The following CUX1 variants were observed in gnomAD, a reference collection of about 807,000 sequenced individuals.
CUX1 encodes protein CASP.
In CUX1, 31 loss-of-function variants were observed where a neutral mutation model predicts 158.8. The observed-to-expected ratio is 0.20, with a 90% confidence interval of 0.15 to 0.26. The LOEUF (loss-of-function observed/expected upper bound fraction) is 0.26, where lower values mean the gene tolerates loss of function less well. Ranked by LOEUF, CUX1 falls within the 10% of genes least tolerant of loss-of-function variation. The pLI, the probability that CUX1 is intolerant of heterozygous loss-of-function variation, is 1.00. For synonymous variants in CUX1, 879 were observed against 862.1 expected (o/e 1.02, Z -0.34); for missense variants, 1,589 against 2,014.6 (o/e 0.79, Z 4.04).
chr7:102,142,600 G>A (rs1159817209), intron 8 of CUX1, among the ~76,000 whole-genome samples: 1 of 151,850 alleles, frequency 6.6e-6, no homozygotes, highest in Non-Finnish European at 1.5e-5. Flanking sequence ...ACTCCAGCCT[G>A]GGCAACAGAG....
At chr7:101,870,012 C>T (rs1798322246) in intron 1 of CUX1, among the ~76,000 whole-genome samples, 1 of 151,958 alleles carries the variant, frequency 6.6e-6, no homozygotes, top group Non-Finnish European at 1.5e-5. Flanking sequence ...TTTCTGACCC[C>T]CTCCTGAGAC....
chr7:102,153,248 C>G (rs1483420653), intron 8 of CUX1: 2 of 152,326 alleles, frequency 1.3e-5, no homozygotes, highest in Non-Finnish European at 2.9e-5. Context: ...CTGGCAGGAA[C>G]TGGACTCGAC....
chr7:101,918,275 C>T (rs1014521898), intron 2 of CUX1, among the ~76,000 whole-genome samples: 1 of 152,226 alleles, frequency 6.6e-6, no homozygotes, highest in Non-Finnish European at 1.5e-5. Context: ...CTCCATCGTG[C>T]CTTGTGTCGA....
intron 2 of CUX1, among the ~76,000 whole-genome samples, chr7:101,967,308 C>A (rs770804416): frequency 6.6e-6 from 1 of 152,204 alleles, no homozygotes; most frequent in Non-Finnish European, 1.5e-5. Flanking sequence ...AGCCACCGCG[C>A]CCGGCCAGAA....
intron 7 of CUX1, 49 bp from the exon 8 acceptor site, chr7:102,115,158 C>G (rs782553787): frequency 4.0e-6 from 6 of 1,489,344 alleles, no homozygotes; most frequent in Non-Finnish European, 5.6e-6. Flanking sequence ...CCTGTGTATG[C>G]ATTCTTTTAA....
intron 2 of CUX1, among the ~76,000 whole-genome samples, chr7:102,021,927 C>CTATGTGTGCATTGTGT (rs1468693000): frequency 6.8e-6 from 1 of 146,220 alleles, no homozygotes; most frequent in African/African-American, 2.8e-5. Flanking sequence ...CAGCCTCCTT[C>CTATGTGTGCATTGTGT]TATGTGTGCA....
At chr7:101,919,911 C>T (rs1395097669) in intron 2 of CUX1, among the ~76,000 whole-genome samples, 1 of 152,044 alleles carries the variant, frequency 6.6e-6, no homozygotes, top group African/African-American at 2.4e-5. Context: ...AGGAGGTGAG[C>T]GCCAGGATGG....
At chr7:102,279,152 C>A (rs1791857912) in intron 18 of CUX1, among the ~76,000 whole-genome samples, 1 of 152,064 alleles carries the variant, frequency 6.6e-6, no homozygotes, top group Non-Finnish European at 1.5e-5. Context: ...ACCAGCCTGG[C>A]CAACATAGTG....
chr7:102,255,247 G>A lies in CUX1; in HGVS notation c.*6205G>A. 1 of 985,408 alleles carries A rather than the reference G, an allele frequency of 1.0e-6. No homozygotes were observed. Among genetic ancestry groups the A allele is most frequent in the Non-Finnish European group, 1.2e-6 (1 of 829,934 alleles). 61.0% of individuals were successfully genotyped at this position (985,408 alleles called of 1,614,324 possible). A position where few individuals can be genotyped will look rare whatever the true frequency, so the allele number is the denominator to read the frequency against. On this transcript the variant is annotated 3_prime_UTR_variant, in exon 24 of 24. Coordinates refer to ENST00000292535, the MANE Select transcript of CUX1 (RefSeq NM_181552.4). ...CCACCTTCCCTCCAAAGATAACCGT[G>A]TCCATGCCATCCGTGGCATCATCTC...
intron 2 of CUX1, among the ~76,000 whole-genome samples, chr7:101,922,899 GC>G (rs1313717275): frequency 1.3e-5 from 2 of 152,260 alleles, no homozygotes; most frequent in African/African-American, 4.8e-5. Flanking sequence ...CTATCTGGAA[GC>G]CTGGTGGTGT....
intron 4 of CUX1, among the ~76,000 whole-genome samples, chr7:102,095,747 A>C (rs781928128): frequency 1.7e-4 from 26 of 152,302 alleles, no homozygotes; most frequent in Admixed American, 7.8e-4. Context: ...CTGGAGACTA[A>C]ATCTCTGCAG....
intron 2 of CUX1, among the ~76,000 whole-genome samples, chr7:102,006,992 T>C (rs969579641): frequency 2.9e-4 from 44 of 152,216 alleles, no homozygotes; most frequent in African/African-American, 1.0e-3. Context: ...CTCCTCTGCT[T>C]GGCAGTGGCT....
intron 1 of CUX1, among the ~76,000 whole-genome samples, chr7:101,837,363 C>T (rs1794742212): frequency 1.3e-5 from 2 of 152,176 alleles, no homozygotes; most frequent in Non-Finnish European, 2.9e-5. Context: ...CCATACGTTA[C>T]AGTGAAATAC....
At chr7:101,944,149 C>G (rs1021589378) in intron 2 of CUX1, among the ~76,000 whole-genome samples, 1 of 152,052 alleles carries the variant, frequency 6.6e-6, no homozygotes, top group African/African-American at 2.4e-5. Flanking sequence ...CTGTCCCCAC[C>G]CAGGGAGACT....
chr7:102,177,944 G>C (rs533348773), intron 10 of CUX1, among the ~76,000 whole-genome samples: 20 of 152,232 alleles, frequency 1.3e-4, no homozygotes, highest in African/African-American at 4.6e-4. Context: ...CCAGGCTGAA[G>C]TGCAGTGGTA....
At chr7:101,832,524 G>A (rs1247095721) in intron 1 of CUX1, among the ~76,000 whole-genome samples, 1 of 152,168 alleles carries the variant, frequency 6.6e-6, no homozygotes, top group Non-Finnish European at 1.5e-5. Context: ...ACACAAGTGG[G>A]GCGACAGGAC....
At chr7:102,106,812 C>T (rs1409728800) in intron 6 of CUX1, among the ~76,000 whole-genome samples, 4 of 152,208 alleles carry the variant, frequency 2.6e-5, no homozygotes, top group African/African-American at 4.8e-5. Context: ...ACCACCAGCT[C>T]GCCTTTGAAT....
At chr7:102,196,291 C>G (rs776758743) in intron 14 of CUX1, among the ~76,000 whole-genome samples, 2 of 152,176 alleles carry the variant, frequency 1.3e-5, no homozygotes, top group African/African-American at 2.4e-5. Context: ...CCGGGGCCAG[C>G]GGGCCCAGTA....
At chr7:101,926,609 C>T (rs955122605) in intron 2 of CUX1, among the ~76,000 whole-genome samples, 7 of 152,146 alleles carry the variant, frequency 4.6e-5, no homozygotes, top group African/African-American at 2.4e-5. Context: ...CCAGTTTCTT[C>T]GTCTGCAAAA....
Sources: allele counts gnomAD v4.1 joint callset (sites outside exome capture counted in the v4.1 genomes callset), GRCh38; gene constraint gnomAD v4.1.1; transcripts MANE v1.5; gene names NCBI Gene and HGNC (gene_info 2026-07-23, HGNC 2026-07-21).